CPNE4: variants seen among roughly 807,000 people sequenced by gnomAD.
The protein encoded by CPNE4 is copine 4.
In CPNE4, 25 loss-of-function variants were observed where a neutral mutation model predicts 67.9. That is an observed-to-expected ratio of 0.37 (90% confidence interval 0.27 to 0.51). CPNE4 has a LOEUF of 0.51. Ranked by LOEUF, CPNE4 falls within the 20% of genes least tolerant of loss-of-function variation. The probability of loss-of-function intolerance (pLI) is 0.93; values close to 1 mark genes in which losing one functional copy is unlikely to be tolerated. For synonymous variants in CPNE4, 242 were observed against 244.9 expected (o/e 0.99, Z 0.11); for missense variants, 464 against 690.8 (o/e 0.67, Z 3.68).
chr3:131,880,240 A>C (rs9865952), intron 2 of CPNE4, among the ~76,000 whole-genome samples: 96,186 of 150,730 alleles, frequency 0.64, 30,901 homozygotes, highest in Admixed American at 0.73. Flanking sequence ...CTCACCCTCC[A>C]AAGTAGCTGG....
In CPNE4 at chr3:131,635,833, G is replaced by GAACATACCAGTAAAGCCAAGAGAATCCA. The variant is rs1202552516; in HGVS notation, c.681+33841_681+33842insTGGATTCTCTTGGCTTTACTGGTATGTT. 4.0e-4 allele frequency among the ~76,000 whole-genome samples: 52 copies of GAACATACCAGTAAAGCCAAGAGAATCCA among 130,832 alleles called. 2 individuals are homozygous for GAACATACCAGTAAAGCCAAGAGAATCCA. The highest frequency in any genetic ancestry group is 6.7e-4 in the South Asian group (3 of 4,472). The allele number at this position is 130,832 out of a possible 152,430, so 85.8% of individuals were successfully genotyped here. Reference sequence around the variant, plus strand: ...ACTTTTGCTCCAAGAACTACTGCAGGCACTTTGGGAGGCCGAGGCGGGCGG... The same window carrying GAACATACCAGTAAAGCCAAGAGAATCCA: ...ACTTTTGCTCCAAGAACTACTGCAGGAACATACCAGTAAAGCCAAGAGAATCCACACTTTGGGAGGCCGAGGCGGGCGG... On this transcript the variant is annotated intron_variant, in intron 7 of 15. Coordinates refer to ENST00000429747, the MANE Select transcript of CPNE4 (RefSeq NM_130808.3).
chr3:131,952,599 G>A (rs1302255713), intron 1 of CPNE4, among the ~76,000 whole-genome samples: 27 of 56,420 alleles, frequency 4.8e-4, no homozygotes, highest in African/African-American at 1.9e-3. Context: ...CCGGCCAGCC[G>A]CCCCGTCCGG....
At chr3:131,894,199 T>C (rs1324517503) in intron 2 of CPNE4, among the ~76,000 whole-genome samples, 2 of 151,452 alleles carry the variant, frequency 1.3e-5, no homozygotes, top group African/African-American at 4.8e-5. Flanking sequence ...CAATAACAAG[T>C]GAAAAAATTG....
At chr3:131,972,106 TC>T (rs1390752461) in intron 1 of CPNE4, among the ~76,000 whole-genome samples, 4 of 150,224 alleles carry the variant, frequency 2.7e-5, no homozygotes, top group Non-Finnish European at 4.4e-5. Context: ...TTATCTTCTA[TC>T]CTTTAGAGAG....
chr3:131,923,372 G>A (rs570496152), intron 1 of CPNE4, among the ~76,000 whole-genome samples: 1 of 152,260 alleles, frequency 6.6e-6, no homozygotes, highest in South Asian at 2.1e-4. Context: ...GTGGAGCAGG[G>A]ACTATAAGGC....
intron 7 of CPNE4, among the ~76,000 whole-genome samples, chr3:131,612,116 A>G (rs775546269): frequency 6.6e-6 from 1 of 152,136 alleles, no homozygotes; most frequent in South Asian, 2.1e-4. Context: ...GCTCATGCCT[A>G]TAATCTCAGC....
intron 1 of CPNE4, among the ~76,000 whole-genome samples, chr3:132,019,630 C>A (rs1055895716): frequency 6.6e-6 from 1 of 152,108 alleles, no homozygotes; most frequent in African/African-American, 2.4e-5. Flanking sequence ...ATTCAGCATT[C>A]AGGAAAATTC....
Position 131,764,346 on chromosome 3 carries a change from C to A in CPNE4, c.181-40721G>T, listed in dbSNP as rs563933815. Reference sequence around the variant, plus strand: ...CTATCAAGATATTTCAAACTAATAACAGTAGTTATTTTGGGGTGACATCTT... The same window carrying A: ...CTATCAAGATATTTCAAACTAATAAAAGTAGTTATTTTGGGGTGACATCTT... On this transcript the variant is annotated intron_variant, in intron 2 of 15. Transcript: ENST00000429747. Among the ~76,000 whole-genome samples the A allele has an allele frequency of 6.6e-5, 10 of 151,652 alleles. No homozygotes were observed. In the East Asian group the frequency reaches 1.5e-3, roughly 23 times the overall value.
Position 131,717,784 on chromosome 3 carries a change from G to C in CPNE4, c.360+5662C>G, listed in dbSNP as rs929328189. ...TGTTATTGCACTAGTATCCTAATTG[G>C]TTTCCCTGCCATCCACCGTTTATGG... On this transcript the variant is annotated intron_variant, in intron 3 of 15. Transcript: ENST00000429747. Among the ~76,000 whole-genome samples the C allele has an allele frequency of 4.6e-5, 7 of 152,062 alleles. 1 individual carries two copies. The South Asian group carries it at 1.5e-3, about 32-fold the overall frequency.
At position 131,749,156 on chromosome 3, in the gene CPNE4, T is replaced by C. The variant is rs2082562446; in HGVS notation, c.181-25531A>G. On this transcript the variant is annotated intron_variant, in intron 2 of 15. Coordinates refer to ENST00000429747, the MANE Select transcript of CPNE4 (RefSeq NM_130808.3). ...GTATTTTCATTTTCATTCACTTCAATGTATTTTTACATTTCCCTTGAGACT... is the reference window on the plus strand; with the variant it reads ...GTATTTTCATTTTCATTCACTTCAACGTATTTTTACATTTCCCTTGAGACT... Among the ~76,000 whole-genome samples the C allele has an allele frequency of 3.3e-5, 5 of 152,294 alleles. No homozygotes were observed. In the South Asian group the frequency reaches 1.0e-3, roughly 32 times the overall value.
In CPNE4 at chr3:131,760,787, A is replaced by G. The variant is rs1263182691; in HGVS notation, c.181-37162T>C. Among the ~76,000 whole-genome samples, 6 of 152,178 alleles carry G rather than the reference A, an allele frequency of 3.9e-5. No homozygotes were observed. In the East Asian group the frequency reaches 1.2e-3, roughly 29 times the overall value. Reference sequence around the variant, plus strand: ...GACACTTTTTCTTTTTAAAAGGGCAATTTGGAAACAAACTAATGTCAGCCC... The same window carrying G: ...GACACTTTTTCTTTTTAAAAGGGCAGTTTGGAAACAAACTAATGTCAGCCC... On this transcript the variant is annotated intron_variant, in intron 2 of 15. Coordinates refer to ENST00000429747, the MANE Select transcript of CPNE4 (RefSeq NM_130808.3).
At chr3:131,735,687 G>A (rs1475234974) in intron 2 of CPNE4, among the ~76,000 whole-genome samples, 1 of 152,164 alleles carries the variant, frequency 6.6e-6, no homozygotes, top group African/African-American at 2.4e-5. Flanking sequence ...TGTTTTAGAG[G>A]CATTTTCTCT....
intron 2 of CPNE4, among the ~76,000 whole-genome samples, chr3:131,748,946 TTTTTAA>T (rs1405448595): frequency 6.6e-6 from 1 of 152,086 alleles, no homozygotes; most frequent in African/African-American, 2.4e-5. Context: ...TGTTTTTCTA[TTTTTAA>T]TTTTGTTTAT....
chr3:131,989,557 A>C (rs577192880), intron 1 of CPNE4, among the ~76,000 whole-genome samples: 7 of 138,774 alleles, frequency 5.0e-5, no homozygotes, highest in Non-Finnish European at 9.9e-5. Flanking sequence ...CCAGGAAAAC[A>C]GATATGAGAA....
chr3:131,885,589 G>A lies in CPNE4; in HGVS notation c.180+19675C>T, dbSNP rs566250857. Among the ~76,000 whole-genome samples the A allele has an allele frequency of 3.4e-3, 513 of 151,190 alleles. 1 individual carries two copies. Among genetic ancestry groups the A allele is most frequent in the Non-Finnish European group, 5.4e-3 (367 of 67,788 alleles). ...AAGTTTTAGGGTACATGTGCACATT[G>A]TGCAGGTTAGTTACATACGTATACA... On this transcript the variant is annotated intron_variant, in intron 2 of 15. Coordinates refer to ENST00000429747, the MANE Select transcript of CPNE4 (RefSeq NM_130808.3).
At chr3:131,822,817 C>T (rs1027375265) in intron 2 of CPNE4, among the ~76,000 whole-genome samples, 3 of 152,042 alleles carry the variant, frequency 2.0e-5, no homozygotes, top group Non-Finnish European at 2.9e-5. Context: ...TGGCAATGTA[C>T]ACTTCTTTCC....
At chr3:131,734,223 GGC>G (rs1560204341) in intron 2 of CPNE4, among the ~76,000 whole-genome samples, 2 of 152,146 alleles carry the variant, frequency 1.3e-5, no homozygotes, top group African/African-American at 4.8e-5. Context: ...TCTTTCCCAT[GGC>G]ACTTTGTTGT....
chr3:131,909,960 G>A (rs924420127), intron 1 of CPNE4, among the ~76,000 whole-genome samples: 6 of 151,990 alleles, frequency 3.9e-5, no homozygotes, highest in Admixed American at 1.3e-4. Flanking sequence ...TTTAAGCAAC[G>A]GGAAACAGAG....
At chr3:131,841,032 T>G (rs1207573637) in intron 2 of CPNE4, among the ~76,000 whole-genome samples, 1 of 152,186 alleles carries the variant, frequency 6.6e-6, no homozygotes. Context: ...GTTTTCGTTC[T>G]TCAAATAAGT....
Sources: gnomAD v4.1 joint callset for allele counts (sites outside exome capture counted in the v4.1 genomes callset) on GRCh38, gnomAD v4.1.1 for gene constraint, MANE v1.5 for transcripts, NCBI Gene and HGNC (gene_info 2026-07-23, HGNC 2026-07-21) for gene names.